DYM: variants seen among roughly 807,000 people sequenced by gnomAD.
DYM encodes the protein dymeclin.
A neutral mutation model predicts 93.1 loss-of-function variants in DYM; 78 were observed. That is an observed-to-expected ratio of 0.84 (90% CI 0.70 to 1.01). The LOEUF is 1.01. DYM is among the 50% of genes least tolerant of loss of function. The pLI is 0.00. For missense variants in DYM, 789 were observed against 845.0 expected (o/e 0.93, Z 0.82); for synonymous variants, 321 against 319.7 (o/e 1.00, Z -0.04).
chr18:49,444,352 T>C (rs534866467), intron 1 of DYM, among the ~76,000 whole-genome samples: 2 of 152,306 alleles, frequency 1.3e-5, no homozygotes, highest in African/African-American at 4.8e-5. Context: ...AGACAAATTT[T>C]TCTGAATGAA....
At chr18:49,248,750 A>T (rs1346118379) in intron 13 of DYM, among the ~76,000 whole-genome samples, 1 of 152,236 alleles carries the variant, frequency 6.6e-6, no homozygotes, top group Non-Finnish European at 1.5e-5. Flanking sequence ...GTATTAAATT[A>T]AAAATAAAGT....
At chr18:49,366,371 T>G (rs550249755) in intron 5 of DYM, among the ~76,000 whole-genome samples, 1 of 152,250 alleles carries the variant, frequency 6.6e-6, no homozygotes, top group Admixed American at 6.5e-5. Context: ...TTCTTGAAAT[T>G]TGCAGGTCAA....
At chr18:49,261,198 G>A (rs547020152) in intron 11 of DYM, among the ~76,000 whole-genome samples, 26 of 152,212 alleles carry the variant, frequency 1.7e-4, no homozygotes, top group African/African-American at 5.8e-4. Context: ...GAAAGTACAA[G>A]TATATACAGG....
At chr18:49,329,681 C>G (rs2063175270) in intron 8 of DYM, 1 of 152,218 alleles carries the variant, frequency 6.6e-6, no homozygotes, top group Admixed American at 6.5e-5. Context: ...CACTCCGGAA[C>G]TGTAAGGTTT....
intron 8 of DYM, among the ~76,000 whole-genome samples, chr18:49,289,404 T>TCAAAAAAA (rs2059880183): frequency 3.0e-5 from 1 of 33,508 alleles, no homozygotes; most frequent in African/African-American, 1.2e-4. Flanking sequence ...TACAAATCAG[T>TCAAAAAAA]AAAAAAAAAA....
chr18:49,173,036 T>C (rs947630423), intron 14 of DYM, among the ~76,000 whole-genome samples: 2 of 152,020 alleles, frequency 1.3e-5, no homozygotes, highest in African/African-American at 2.4e-5. Context: ...TTTGTGCATA[T>C]AGCTATTTAA....
intron 15 of DYM, among the ~76,000 whole-genome samples, chr18:49,144,479 A>G (rs2084869060): frequency 6.6e-6 from 1 of 152,112 alleles, no homozygotes; most frequent in African/African-American, 2.4e-5. Flanking sequence ...TTCTTTTTCA[A>G]TTATGAATAT....
intron 15 of DYM, among the ~76,000 whole-genome samples, chr18:49,131,282 C>T (rs903687509): frequency 1.3e-5 from 2 of 152,216 alleles, no homozygotes; most frequent in East Asian, 3.9e-4. Context: ...CCTCACAGGG[C>T]CTTCTGTAAG....
chr18:49,356,724 ACT>A (rs2065602581), intron 6 of DYM, among the ~76,000 whole-genome samples: 1 of 152,122 alleles, frequency 6.6e-6, no homozygotes. Context: ...CCATCTACTC[ACT>A]GTTACTACCA....
At chr18:49,088,777 A>G (rs879483692) in intron 17 of DYM, among the ~76,000 whole-genome samples, 19 of 152,164 alleles carry the variant, frequency 1.2e-4, no homozygotes, top group Admixed American at 1.2e-3. Flanking sequence ...GAAAGAAGGA[A>G]TAGCTGAAAT....
intron 15 of DYM, among the ~76,000 whole-genome samples, chr18:49,120,477 G>A (rs1024252839): frequency 6.6e-6 from 1 of 152,080 alleles, no homozygotes; most frequent in Non-Finnish European, 1.5e-5. Flanking sequence ...CCCCTGCCTC[G>A]GAAATACCAA....
chr18:49,129,029 G>A (rs1170061443), intron 15 of DYM, among the ~76,000 whole-genome samples: 1 of 151,784 alleles, frequency 6.6e-6, no homozygotes, highest in East Asian at 1.9e-4. Context: ...GACGCTTGAT[G>A]CCCTTTTTTC....
At chr18:49,311,075 C>T (rs1172769951) in intron 8 of DYM, among the ~76,000 whole-genome samples, 2 of 152,168 alleles carry the variant, frequency 1.3e-5, no homozygotes, top group Non-Finnish European at 2.9e-5. Context: ...CAAGCAGCTG[C>T]ATTTCAATGC....
chr18:49,229,949 C>G (rs1051689422), intron 13 of DYM, among the ~76,000 whole-genome samples: 1 of 152,072 alleles, frequency 6.6e-6, no homozygotes, highest in African/African-American at 2.4e-5. Flanking sequence ...ATGATACACA[C>G]AAGAACATGG....
At chr18:49,189,439 G>C (rs1479692714) in intron 14 of DYM, among the ~76,000 whole-genome samples, 1 of 152,128 alleles carries the variant, frequency 6.6e-6, no homozygotes. Flanking sequence ...GGAAGCATTA[G>C]ATAATATGCT....
chr18:49,249,205 G>T (rs1040019460), intron 13 of DYM, among the ~76,000 whole-genome samples: 1 of 152,122 alleles, frequency 6.6e-6, no homozygotes, highest in African/African-American at 2.4e-5. Context: ...CAATACCCTC[G>T]ACTGTCTAAA....
intron 8 of DYM, among the ~76,000 whole-genome samples, chr18:49,315,381 G>A (rs2061862246): frequency 6.6e-6 from 1 of 152,138 alleles, no homozygotes; most frequent in Admixed American, 6.5e-5. Context: ...AGGAAAAATA[G>A]GCATGGCAAC....
intron 16 of DYM, among the ~76,000 whole-genome samples, chr18:49,118,164 C>G (rs1463937628): frequency 6.6e-6 from 1 of 151,878 alleles, no homozygotes; most frequent in Non-Finnish European, 1.5e-5. Flanking sequence ...CATCAGCCAC[C>G]ACACCCGGCC....
At chr18:49,219,671 A>G (rs1221109782) in intron 13 of DYM, among the ~76,000 whole-genome samples, 1 of 152,158 alleles carries the variant, frequency 6.6e-6, no homozygotes, top group Non-Finnish European at 1.5e-5. Context: ...GATTATCTCA[A>G]TAGATGCAGA....
Sources: allele counts gnomAD v4.1 joint callset (sites outside exome capture counted in the v4.1 genomes callset), GRCh38; gene constraint gnomAD v4.1.1; transcripts MANE v1.5; gene names NCBI Gene and HGNC (gene_info 2026-07-23, HGNC 2026-07-21).